The following SLC4A7 variants were observed in gnomAD, a reference collection of about 807,000 sequenced individuals.
The protein encoded by SLC4A7 is solute carrier family 4 member 7.
Under a neutral mutation model 137.6 loss-of-function variants are expected in SLC4A7, and 51 were observed. The observed-to-expected ratio is 0.37, with a 90% confidence interval of 0.30 to 0.47. The LOEUF is 0.47. SLC4A7 is among the 20% of genes least tolerant of loss of function. The pLI is 1.00. For synonymous variants in SLC4A7, 542 were observed against 518.6 expected, an observed-to-expected ratio of 1.05 and a Z score of -0.61; for missense variants, 1,247 against 1,525.4, an observed-to-expected ratio of 0.82 and a Z score of 3.04.
intron 1 of SLC4A7, among the ~76,000 whole-genome samples, chr3:27,453,720 T>G (rs2058234815): frequency 6.6e-6 from 1 of 152,234 alleles, no homozygotes; most frequent in Non-Finnish European, 1.5e-5. Context: ...TTGATTAAAT[T>G]TTCAAATAAA....
intron 21 of SLC4A7, among the ~76,000 whole-genome samples, chr3:27,391,432 C>T (rs1469603107): frequency 6.6e-6 from 1 of 152,152 alleles, no homozygotes; most frequent in Non-Finnish European, 1.5e-5. Flanking sequence ...AGTACCAAAA[C>T]TTTTTTTCAA....
chr3:27,377,169 T>C (rs183222734), intron 25 of SLC4A7, among the ~76,000 whole-genome samples: 5 of 152,234 alleles, frequency 3.3e-5, no homozygotes, highest in East Asian at 3.9e-4. Flanking sequence ...TGAACAGTTA[T>C]AGCATGAGAC....
chr3:27,398,572 G>T (rs976890479), intron 16 of SLC4A7, among the ~76,000 whole-genome samples: 1 of 152,116 alleles, frequency 6.6e-6, no homozygotes, highest in Non-Finnish European at 1.5e-5. Context: ...AAAAATACGT[G>T]CATCTCAAAT....
At chr3:27,438,442 T>C (rs934963177) in intron 3 of SLC4A7, among the ~76,000 whole-genome samples, 1 of 151,914 alleles carries the variant, frequency 6.6e-6, no homozygotes, top group African/African-American at 2.4e-5. Flanking sequence ...AAGGCGTAGG[T>C]TGCAGTGAGC....
intron 13 of SLC4A7, among the ~76,000 whole-genome samples, chr3:27,405,532 T>G (rs911995936): frequency 6.6e-6 from 1 of 152,190 alleles, no homozygotes; most frequent in African/African-American, 2.4e-5. Flanking sequence ...TTGAATACTT[T>G]TATATGGCTG....
Position 27,411,759 on chromosome 3 carries a change from CA to C in SLC4A7, c.1660-12del. On this transcript the variant is annotated splice_polypyrimidine_tract_variant and intron_variant, in intron 11 of 25. Transcript: ENST00000454389. The stretch of plus-strand genomic sequence containing the variant: ...AATCTTTCTCTTTTCCTGAATTTCA[CA>C]AAAAACATTATTTTCAGAATTCTAT... The C allele has an allele frequency of 2.8e-6, 4 of 1,429,288 alleles. No homozygotes were observed. The highest frequency in any genetic ancestry group is 2.3e-5 in the Admixed American group (1 of 44,140). The allele number at this position is 1,429,288 out of a possible 1,614,324, so 88.5% of individuals were successfully genotyped here. A position where few individuals can be genotyped will look rare whatever the true frequency, so the allele number is the denominator to read the frequency against.
rs1249715608 is a variant in SLC4A7 at position 27,373,144 on chromosome 3, G to C, written c.*3620C>G. ...AAAACTAATCAGTGTGCAAAAATCT[G>C]ATTAAAAAAACAAAACAAAACTGGG... On this transcript the variant is annotated 3_prime_UTR_variant, in exon 26 of 26. Coordinates refer to ENST00000454389, the MANE Select transcript of SLC4A7 (RefSeq NM_001321103.2). 6.7e-6 allele frequency: 1 copy of C among 149,598 alleles called. No individual in the cohort carries two copies. The highest frequency in any genetic ancestry group is 1.5e-5 in the Non-Finnish European group (1 of 67,400). The allele number at this position is 149,598 out of a possible 1,614,324, so 9.3% of individuals were successfully genotyped here.
At chr3:27,410,965 G>T (rs961623568) in intron 12 of SLC4A7, among the ~76,000 whole-genome samples, 1 of 151,930 alleles carries the variant, frequency 6.6e-6, no homozygotes, top group African/African-American at 2.4e-5. Flanking sequence ...TTTACACAAA[G>T]ATTTAATATT....
In SLC4A7 at chr3:27,465,289, CAA is replaced by C. The variant is rs11329798; in HGVS notation, c.61-12793_61-12792del. Among the ~76,000 whole-genome samples the C allele has an allele frequency of 2.6e-3, 221 of 84,662 alleles. 1 individual carries two copies. Among genetic ancestry groups the C allele is most frequent in the African/African-American group, 5.8e-3 (126 of 21,680 alleles). 55.5% of individuals were successfully genotyped at this position (84,662 alleles called of 152,430 possible). A position where few individuals can be genotyped will look rare whatever the true frequency, so the allele number is the denominator to read the frequency against. ...TGGGCAACAGAGCAAGACTCCGTCTCAAAAAAAAAAAAAAAAAAAACCCACAA... is the reference window on the plus strand; with the variant it reads ...TGGGCAACAGAGCAAGACTCCGTCTCAAAAAAAAAAAAAAAAAACCCACAA... On this transcript the variant is annotated intron_variant, in intron 1 of 25. Coordinates refer to ENST00000454389, the MANE Select transcript of SLC4A7 (RefSeq NM_001321103.2).
chr3:27,455,715 T>TA (rs1323398089), intron 1 of SLC4A7, among the ~76,000 whole-genome samples: 1 of 151,890 alleles, frequency 6.6e-6, no homozygotes, highest in African/African-American at 2.4e-5. Context: ...CTGTCTCTAC[T>TA]AAAAATACAA....
At chr3:27,450,777 T>C (rs566570151) in intron 2 of SLC4A7, among the ~76,000 whole-genome samples, 1 of 152,114 alleles carries the variant, frequency 6.6e-6, no homozygotes, top group Non-Finnish European at 1.5e-5. Context: ...TTAATCTTTT[T>C]CTTTTTCTTT....
At chr3:27,429,228 T>C (rs2055996775) in intron 7 of SLC4A7, among the ~76,000 whole-genome samples, 1 of 151,668 alleles carries the variant, frequency 6.6e-6, no homozygotes. Context: ...ATCACACCAC[T>C]GCACTCCAGC....
intron 1 of SLC4A7, among the ~76,000 whole-genome samples, chr3:27,464,856 C>G (rs2058894557): frequency 6.6e-6 from 1 of 152,184 alleles, no homozygotes; most frequent in Admixed American, 6.5e-5. Flanking sequence ...AGCCTGGCCC[C>G]TCCTGTTCCG....
At chr3:27,468,414 T>C (rs1380647989) in intron 1 of SLC4A7, among the ~76,000 whole-genome samples, 1 of 152,154 alleles carries the variant, frequency 6.6e-6, no homozygotes, top group Non-Finnish European at 1.5e-5. Context: ...TGGCTGAAGA[T>C]AATACATGAT....
At chr3:27,451,352 AAC>A (rs2058063420) in intron 2 of SLC4A7, among the ~76,000 whole-genome samples, 1 of 152,074 alleles carries the variant, frequency 6.6e-6, no homozygotes, top group African/African-American at 2.4e-5. Flanking sequence ...ATTTGCCTTA[AAC>A]ACCACTTTAA....
intron 3 of SLC4A7, 25 bp downstream of exon 3, chr3:27,448,626 C>T (rs1457456651): frequency 5.0e-6 from 8 of 1,589,068 alleles, no homozygotes; most frequent in Middle Eastern, 1.7e-4. Context: ...CTTTAAACTG[C>T]TAAAGAAGAA....
At position 27,394,935 on chromosome 3, in the gene SLC4A7, G is replaced by C; in HGVS notation, c.2865+19C>G. The C allele has an allele frequency of 6.3e-7, 1 of 1,582,124 alleles. No homozygotes were observed. The highest frequency in any genetic ancestry group is 8.6e-7 in the Non-Finnish European group (1 of 1,167,592). ...ACCCTTGAAGAATCACAATGCTTAA[G>C]GCAAAATTCTAAAATTACCTTCAAT... On this transcript the variant is annotated intron_variant, in intron 19 of 25. Transcript: ENST00000454389.
At chr3:27,412,849 A>T (rs1224486960) in intron 11 of SLC4A7, among the ~76,000 whole-genome samples, 1 of 152,144 alleles carries the variant, frequency 6.6e-6, no homozygotes, top group African/African-American at 2.4e-5. Flanking sequence ...CATTCAAGAA[A>T]ATTAAGCAAT....
chr3:27,422,335 T>C (rs1398886031), intron 8 of SLC4A7, among the ~76,000 whole-genome samples: 2 of 152,178 alleles, frequency 1.3e-5, no homozygotes, highest in African/African-American at 4.8e-5. Flanking sequence ...GGCAGGAACA[T>C]AGCTCACTGT....
Sources: gnomAD v4.1 joint callset for allele counts (sites outside exome capture counted in the v4.1 genomes callset) on GRCh38, gnomAD v4.1.1 for gene constraint, MANE v1.5 for transcripts, NCBI Gene and HGNC (gene_info 2026-07-23, HGNC 2026-07-21) for gene names.